PHIP: variants seen among roughly 807,000 people sequenced by gnomAD.
PHIP encodes the protein PHIP subunit of CUL4-Ring ligase complex, also known as PH-interacting protein.
A neutral mutation model predicts 236.8 loss-of-function variants in PHIP; 54 were observed. The ratio of observed to expected loss-of-function variants is 0.23; its 90% CI spans 0.18 to 0.29. PHIP has a LOEUF of 0.29. Ranked by LOEUF, PHIP falls within the 10% of genes least tolerant of loss-of-function variation. The pLI is 1.00. For synonymous variants in PHIP, 756 were observed against 718.9 expected (o/e 1.05, Z -0.83); for missense variants, 1,370 against 2,190.8 (o/e 0.63, Z 7.48).
intron 6 of PHIP, among the ~76,000 whole-genome samples, chr6:79,057,878 C>G (rs1192911731): frequency 5.3e-5 from 8 of 152,050 alleles, no homozygotes; most frequent in East Asian, 1.9e-4. Context: ...TCCCCAACAC[C>G]ATCCTGTTCA....
In PHIP at chr6:79,042,991, A is replaced by G; in HGVS notation, c.452T>C (p.Phe151Ser). ...GTATTTCCCATTCAGCTTCCTTGAA[A>G]ACAGAGTATCCGCTACCAAGAAAAA... ...GSPPSIADTL[F>S]SRKLNGKYRL... The change falls in exon 7 of 40, where the codon TTT becomes TCT. Residue 151 changes from phenylalanine (F) to serine (S), a missense_variant. Phe to Ser is a radical substitution (Grantham distance 155). Transcript: ENST00000275034. 1 of 1,608,538 alleles carries G rather than the reference A, an allele frequency of 6.2e-7. No individual in the cohort carries two copies. The highest frequency in any genetic ancestry group is 8.5e-7 in the Non-Finnish European group (1 of 1,177,670).
intron 19 of PHIP, among the ~76,000 whole-genome samples, chr6:78,995,385 T>C (rs1408718193): frequency 2.0e-5 from 3 of 152,210 alleles, no homozygotes; most frequent in African/African-American, 4.8e-5. Context: ...TTCCCAATAG[T>C]GCAACTGCTG....
At chr6:79,063,106 A>G (rs1226478987) in intron 4 of PHIP, among the ~76,000 whole-genome samples, 1 of 152,188 alleles carries the variant, frequency 6.6e-6, no homozygotes, top group African/African-American at 2.4e-5. Flanking sequence ...CCCTACCATT[A>G]TGTGCCCTGT....
At position 78,952,312 on chromosome 6, in the gene PHIP, G is replaced by A. The variant is rs145608887; in HGVS notation, c.4053+2502C>T. Among the ~76,000 whole-genome samples, 96 of 151,540 alleles carry A rather than the reference G, an allele frequency of 6.3e-4. 1 individual carries two copies. The South Asian group carries it at 8.1e-3, about 13-fold the overall frequency. On this transcript the variant is annotated intron_variant, in intron 35 of 39. Coordinates refer to ENST00000275034, the MANE Select transcript of PHIP (RefSeq NM_017934.7). ...CATGCGCCTATAATCCCAGCTACTCGTGAGGCCGAGGCAGGAGAATCGCTT... is the reference window on the plus strand; with the variant it reads ...CATGCGCCTATAATCCCAGCTACTCATGAGGCCGAGGCAGGAGAATCGCTT...
At chr6:79,024,510 G>T (rs1397598599) in intron 9 of PHIP, among the ~76,000 whole-genome samples, 3 of 152,080 alleles carry the variant, frequency 2.0e-5, no homozygotes, top group Non-Finnish European at 2.9e-5. Context: ...CCACTTAAAA[G>T]ATATGGTATA....
At chr6:78,952,860 T>C (rs1766141202) in intron 35 of PHIP, among the ~76,000 whole-genome samples, 1 of 152,132 alleles carries the variant, frequency 6.6e-6, no homozygotes, top group African/African-American at 2.4e-5. Context: ...ACAGCATTTC[T>C]TTTTTCTTGG....
chr6:79,050,593 C>T (rs1772745346), intron 6 of PHIP, among the ~76,000 whole-genome samples: 1 of 152,094 alleles, frequency 6.6e-6, no homozygotes, highest in South Asian at 2.1e-4. Context: ...GTTCTGTTTT[C>T]CAAACTTTCT....
intron 35 of PHIP, among the ~76,000 whole-genome samples, chr6:78,952,642 G>C (rs1485714442): frequency 4.6e-5 from 7 of 151,974 alleles, no homozygotes; most frequent in East Asian, 1.9e-4. Flanking sequence ...AATTTGCTTA[G>C]ATCTTTACAC....
intron 7 of PHIP, among the ~76,000 whole-genome samples, chr6:79,027,787 T>C (rs1771481762): frequency 6.6e-6 from 1 of 152,080 alleles, no homozygotes; most frequent in South Asian, 2.1e-4. Flanking sequence ...GATGCTTGAA[T>C]AGAGTCTCAC....
chr6:78,990,321 G>C (rs1415862), intron 20 of PHIP, among the ~76,000 whole-genome samples: 7 of 152,162 alleles, frequency 4.6e-5, no homozygotes, highest in African/African-American at 1.7e-4. Context: ...CAGGAAGTAC[G>C]TATCTCTCTC....
intron 19 of PHIP, among the ~76,000 whole-genome samples, chr6:78,994,218 T>C (rs1769462963): frequency 6.6e-6 from 1 of 152,202 alleles, no homozygotes; most frequent in East Asian, 1.9e-4. Context: ...AGAGGTTTCT[T>C]GAGGGAGGCT....
At chr6:79,060,846 G>C in intron 4 of PHIP, 28 bp from the exon 5 acceptor site, 1 of 1,426,912 alleles carries the variant, frequency 7.0e-7, no homozygotes, top group South Asian at 1.4e-5. Context: ...AATATAGTAG[G>C]TTTCAGTTTA....
chr6:79,078,245 G>T lies in PHIP; in HGVS notation c.-177C>A. The T allele has an allele frequency of 5.0e-6, 3 of 596,990 alleles. No homozygotes were observed. The East Asian group carries it at 9.5e-5, about 19-fold the overall frequency. 37.0% of individuals were successfully genotyped at this position (596,990 alleles called of 1,614,324 possible). A position where few individuals can be genotyped will look rare whatever the true frequency, so the allele number is the denominator to read the frequency against. ...GAGGAGGAGGAAACAACAACTCTCA[G>T]GCAGCGACTACGGCCGTGGCCGCCT... On this transcript the variant is annotated 5_prime_UTR_variant, in exon 1 of 40. In the 5' UTR this introduces an upstream ATG that the reference lacks. Coordinates refer to ENST00000275034, the MANE Select transcript of PHIP (RefSeq NM_017934.7).
intron 9 of PHIP, among the ~76,000 whole-genome samples, chr6:79,021,356 C>T (rs541074242): frequency 1.9e-4 from 29 of 152,298 alleles, no homozygotes; most frequent in African/African-American, 6.7e-4. Flanking sequence ...CCATGTTGGC[C>T]AGGCTGGTCT....
chr6:78,979,301 A>G (rs1328809570), intron 23 of PHIP, among the ~76,000 whole-genome samples: 1 of 152,116 alleles, frequency 6.6e-6, no homozygotes, highest in Non-Finnish European at 1.5e-5. Context: ...TCCATAGCCA[A>G]CACTCACAAC....
chr6:79,002,284 G>A (rs1770045048), intron 16 of PHIP, among the ~76,000 whole-genome samples, 160 bp from the exon 17 acceptor site: 1 of 151,966 alleles, frequency 6.6e-6, no homozygotes, highest in South Asian at 2.1e-4. Flanking sequence ...ATTGTAAATA[G>A]GTATTTTAAT....
At chr6:78,956,665 C>T (rs1203967171) in intron 32 of PHIP, 2 of 152,224 alleles carry the variant, frequency 1.3e-5, no homozygotes, top group South Asian at 2.1e-4. Flanking sequence ...AAACTTCCTA[C>T]CTCACGCTGC....
intron 15 of PHIP, among the ~76,000 whole-genome samples, chr6:79,006,941 A>C (rs897480187): frequency 6.6e-6 from 1 of 152,048 alleles, no homozygotes; most frequent in African/African-American, 2.4e-5. Context: ...AGAGGAGTAA[A>C]AAGAAAATAA....
At chr6:79,021,870 T>A (rs1169939784) in intron 9 of PHIP, among the ~76,000 whole-genome samples, 1 of 151,794 alleles carries the variant, frequency 6.6e-6, no homozygotes, top group Non-Finnish European at 1.5e-5. Flanking sequence ...ACTAAAGGAG[T>A]GTAATTGGAT....
Sources: gnomAD v4.1 joint callset for allele counts (sites outside exome capture counted in the v4.1 genomes callset) on GRCh38, gnomAD v4.1.1 for gene constraint, MANE v1.5 for transcripts, NCBI Gene and HGNC (gene_info 2026-07-23, HGNC 2026-07-21) for gene names.